BCL2L14: variants seen among roughly 807,000 people sequenced by gnomAD.
BCL2L14 encodes BCL2 like 14.
Under a neutral mutation model 35.3 loss-of-function variants are expected in BCL2L14, and 27 were observed. The ratio of observed to expected loss-of-function variants is 0.76; its 90% CI spans 0.56 to 1.05. BCL2L14 has a LOEUF of 1.05. BCL2L14 is among the 50% of genes least tolerant of loss of function. The pLI, the probability that BCL2L14 is intolerant of heterozygous loss-of-function variation, is 0.00. For missense variants in BCL2L14, 377 were observed against 382.6 expected (o/e 0.99, Z 0.12); for synonymous variants, 139 against 145.9 (o/e 0.95, Z 0.34).
At chr12:12,096,880 A>T (rs1949323151) in intron 5 of BCL2L14, among the ~76,000 whole-genome samples, 1 of 152,344 alleles carries the variant, frequency 6.6e-6, no homozygotes, top group South Asian at 2.1e-4. Flanking sequence ...GCAGTGGCTC[A>T]CGCCTGTAAT....
In BCL2L14 at chr12:12,099,180, C is replaced by A. The variant is rs1369312115; in HGVS notation, c.*192C>A. 7.0e-6 allele frequency: 4 copies of A among 567,540 alleles called. No homozygotes were observed. In the East Asian group the frequency reaches 1.2e-4, roughly 17 times the overall value. The allele number at this position is 567,540 out of a possible 1,614,324, so 35.2% of individuals were successfully genotyped here. ...TCCAGCTCATAAAATGTAGCAGCATCATCCTTGACAGTGATGTTTTTCAGG... is the reference window on the plus strand; with the variant it reads ...TCCAGCTCATAAAATGTAGCAGCATAATCCTTGACAGTGATGTTTTTCAGG... On this transcript the variant is annotated 3_prime_UTR_variant, in exon 6 of 6. Coordinates refer to ENST00000308721, the MANE Select transcript of BCL2L14 (RefSeq NM_138723.2).
chr12:12,093,258 A>G (rs1356437778), intron 4 of BCL2L14, among the ~76,000 whole-genome samples: 2 of 152,184 alleles, frequency 1.3e-5, no homozygotes, highest in Admixed American at 6.5e-5. Context: ...CCTGACCTCC[A>G]TGCTCCCGTA....
chr12:12,067,897 C>T (rs987330071), upstream of BCL2L14, among the ~76,000 whole-genome samples: 11 of 152,044 alleles, frequency 7.2e-5, no homozygotes, highest in Admixed American at 1.3e-4. Context: ...TGGGGTTTGC[C>T]CCTTCCCTGT....
intron 2 of BCL2L14, chr12:12,055,105 A>T (rs1948412361): frequency 6.6e-6 from 1 of 152,222 alleles, no homozygotes; most frequent in African/African-American, 2.4e-5. Context: ...AGGGCTGGAG[A>T]GGTTGAACAA....
chr12:12,082,711 G>A (rs1338516532), intron 2 of BCL2L14, among the ~76,000 whole-genome samples: 1 of 152,196 alleles, frequency 6.6e-6, no homozygotes, highest in Admixed American at 6.5e-5. Flanking sequence ...ACCTATGGCT[G>A]AATAATATTC....
At chr12:12,084,526 G>A (rs181684462) in intron 2 of BCL2L14, among the ~76,000 whole-genome samples, 22 of 152,068 alleles carry the variant, frequency 1.4e-4, no homozygotes, top group Admixed American at 9.8e-4. Context: ...GGGACCTTCC[G>A]ACCCTGTTGG....
intron 2 of BCL2L14, chr12:12,055,053 T>A (rs1426062795): frequency 6.6e-6 from 1 of 151,146 alleles, no homozygotes; most frequent in East Asian, 1.9e-4. Context: ...ACTCATAGAG[T>A]CATAAACAGT....
upstream of BCL2L14, among the ~76,000 whole-genome samples, chr12:12,066,628 A>C (rs1168948527): frequency 6.6e-6 from 1 of 152,220 alleles, no homozygotes. Context: ...GAAACAATAG[A>C]AAATGTGAGC....
intron 2 of BCL2L14, among the ~76,000 whole-genome samples, chr12:12,053,768 T>A (rs1948392286): frequency 6.6e-6 from 1 of 152,172 alleles, no homozygotes; most frequent in Admixed American, 6.5e-5. Context: ...CGACACTGGC[T>A]TCCTTGGAAG....
chr12:12,068,473 G>T (rs1440009536), upstream of BCL2L14, among the ~76,000 whole-genome samples: 1 of 152,064 alleles, frequency 6.6e-6, no homozygotes, highest in Non-Finnish European at 1.5e-5. Flanking sequence ...CATGATCCTA[G>T]CTTGCTGCCC....
At chr12:12,068,044 A>G (rs1948614396), upstream of BCL2L14, 1 of 394,478 alleles carries the variant, frequency 2.5e-6, no homozygotes, top group Non-Finnish European at 4.5e-6. Context: ...GCCAGGCTCA[A>G]GCAATCCTCC....
intron 4 of BCL2L14, 94 bp downstream of exon 4, chr12:12,090,943 T>C: frequency 2.2e-6 from 2 of 892,410 alleles, no homozygotes; most frequent in Non-Finnish European, 3.3e-6. Flanking sequence ...CCTTATTCCC[T>C]TTCTAAGTCC....
intron 3 of BCL2L14, among the ~76,000 whole-genome samples, chr12:12,089,467 G>A (rs371694204): frequency 4.0e-5 from 6 of 149,708 alleles, no homozygotes; most frequent in South Asian, 4.3e-4. Context: ...AGGCCGAGGC[G>A]GACGGATCTC....
upstream of BCL2L14, among the ~76,000 whole-genome samples, chr12:12,070,329 G>C (rs1990699): frequency 0.29 from 43,549 of 152,092 alleles, 6,496 homozygotes; most frequent in South Asian, 0.36. Context: ...TCACCTCTCT[G>C]AGCCTCAGTT....
chr12:12,080,885 A>T (rs562527849), intron 2 of BCL2L14, among the ~76,000 whole-genome samples: 1 of 152,298 alleles, frequency 6.6e-6, no homozygotes, highest in East Asian at 1.9e-4. Flanking sequence ...AATTAATTGT[A>T]CTTAATGAAA....
chr12:12,069,682 T>TG (rs1483499748), upstream of BCL2L14, among the ~76,000 whole-genome samples: 1 of 141,984 alleles, frequency 7.0e-6, no homozygotes, highest in Admixed American at 7.3e-5. Context: ...CACTCCAGCC[T>TG]GGGCGACAGA....
At chr12:12,053,135 C>T (rs2136705535) in intron 2 of BCL2L14, among the ~76,000 whole-genome samples, 1 of 152,296 alleles carries the variant, frequency 6.6e-6, no homozygotes, top group South Asian at 2.1e-4. Context: ...TTTGGAAACA[C>T]CTTACATATT....
At chr12:12,092,782 C>A (rs1949219497) in intron 4 of BCL2L14, among the ~76,000 whole-genome samples, 1 of 152,108 alleles carries the variant, frequency 6.6e-6, no homozygotes, top group Non-Finnish European at 1.5e-5. Context: ...CAGACGGGGC[C>A]TGGACGGTGG....
At chr12:12,091,427 C>G (rs1641726) in intron 4 of BCL2L14, among the ~76,000 whole-genome samples, 121,027 of 152,120 alleles carry the variant, frequency 0.8, 48,349 homozygotes, top group African/African-American at 0.84. Context: ...TTCAGGTAAA[C>G]AGTTGGTGAG....
Sources: allele counts gnomAD v4.1 joint callset (sites outside exome capture counted in the v4.1 genomes callset), GRCh38; gene constraint gnomAD v4.1.1; transcripts MANE v1.5; gene names NCBI Gene and HGNC (gene_info 2026-07-23, HGNC 2026-07-21).